LAPTM4B: variants seen among roughly 807,000 people sequenced by gnomAD.
LAPTM4B encodes the protein lysosomal protein transmembrane 4 beta.
LAPTM4B carries 26 observed loss-of-function variants against 28.5 expected under a neutral mutation model. The ratio of observed to expected loss-of-function variants is 0.91; its 90% CI spans 0.67 to 1.27. The LOEUF (loss-of-function observed/expected upper bound fraction) is 1.27. Ranked by LOEUF, LAPTM4B falls within the 50% of genes most tolerant of loss-of-function variation. The pLI is 0.00. For missense variants in LAPTM4B, 288 were observed against 285.8 expected, an observed-to-expected ratio of 1.01 and a Z score of -0.06; for synonymous variants, 109 against 106.4, an observed-to-expected ratio of 1.02 and a Z score of -0.15.
intron 2 of LAPTM4B, among the ~76,000 whole-genome samples, chr8:97,808,388 C>T (rs558830683): frequency 6.6e-6 from 1 of 151,790 alleles, no homozygotes; most frequent in South Asian, 2.1e-4. Flanking sequence ...GGGGAGTTTG[C>T]AGTGAGCCGA....
intron 1 of LAPTM4B, among the ~76,000 whole-genome samples, chr8:97,792,474 C>G (rs1816515470): frequency 6.6e-6 from 1 of 152,206 alleles, no homozygotes; most frequent in Non-Finnish European, 1.5e-5. Context: ...AGGCTGGTCT[C>G]AAACTCCTGA....
chr8:97,850,789 C>G (rs1393119111), intron 6 of LAPTM4B, among the ~76,000 whole-genome samples: 2 of 146,216 alleles, frequency 1.4e-5, no homozygotes. Flanking sequence ...ATACTAGATG[C>G]ATAATAAATG....
rs1472777684 is a variant in LAPTM4B, at chr8:97,794,775, G to A, written c.100-10578G>A. 3.9e-5 allele frequency among the ~76,000 whole-genome samples: 6 copies of A among 152,210 alleles called. No homozygotes were observed. The East Asian group carries it at 5.8e-4, about 15-fold the overall frequency. ...GTCACCCACGCTGGAGTGCAATGGCGTGATCTTGGCTCACTGCAACCTCCA... is the reference window on the plus strand; with the variant it reads ...GTCACCCACGCTGGAGTGCAATGGCATGATCTTGGCTCACTGCAACCTCCA... On this transcript the variant is annotated intron_variant, in intron 1 of 6. Coordinates refer to ENST00000521545, the MANE Select transcript of LAPTM4B (RefSeq NM_018407.6).
intron 4 of LAPTM4B, among the ~76,000 whole-genome samples, chr8:97,816,421 C>T (rs1294089008): frequency 6.6e-6 from 1 of 152,020 alleles, no homozygotes; most frequent in East Asian, 1.9e-4. Context: ...TCTCAGCCTC[C>T]CAGCTAGCTG....
intron 1 of LAPTM4B, among the ~76,000 whole-genome samples, chr8:97,781,998 G>C (rs1264090320): frequency 8.8e-6 from 1 of 113,608 alleles, no homozygotes; most frequent in African/African-American, 3.4e-5. Context: ...TTTTTTTTTT[G>C]AGACAGAGTT....
chr8:97,814,105 G>A lies in LAPTM4B; in HGVS notation c.212-1223G>A, dbSNP rs184501566. Among the ~76,000 whole-genome samples, 273 of 152,250 alleles carry A rather than the reference G, an allele frequency of 1.8e-3. 1 individual carries two copies. The highest frequency in any genetic ancestry group is 9.4e-4 in the Non-Finnish European group (64 of 68,034). ...GGTGACTTATGCCTATAATCCCATAGTGACAATGCCCAGGCAATTGAAGCT... is the reference window on the plus strand; with the variant it reads ...GGTGACTTATGCCTATAATCCCATAATGACAATGCCCAGGCAATTGAAGCT... On this transcript the variant is annotated intron_variant, in intron 2 of 6. Transcript: ENST00000521545.
intron 1 of LAPTM4B, among the ~76,000 whole-genome samples, chr8:97,788,844 G>A (rs6468588): frequency 0.02 from 3,000 of 151,516 alleles, 79 homozygotes; most frequent in African/African-American, 0.067. Context: ...ACGGGTGTCT[G>A]TCACCACGTC....
intron 1 of LAPTM4B, among the ~76,000 whole-genome samples, chr8:97,785,495 A>T (rs1237329074): frequency 6.6e-6 from 1 of 151,952 alleles, no homozygotes; most frequent in Non-Finnish European, 1.5e-5. Context: ...ACTTCGACCT[A>T]AAAGGAAGAA....
At chr8:97,840,350 C>T (rs1456522859) in intron 6 of LAPTM4B, among the ~76,000 whole-genome samples, 1 of 152,122 alleles carries the variant, frequency 6.6e-6, no homozygotes, top group African/African-American at 2.4e-5. Flanking sequence ...TCAGATAGCT[C>T]CTTTGCTGAG....
intron 1 of LAPTM4B, among the ~76,000 whole-genome samples, chr8:97,804,425 A>G (rs1816729868): frequency 6.6e-6 from 1 of 152,198 alleles, no homozygotes; most frequent in Admixed American, 6.5e-5. Flanking sequence ...AGTTTCGTAT[A>G]TGGACAGGAG....
At chr8:97,842,440 G>A (rs1817364196) in intron 6 of LAPTM4B, among the ~76,000 whole-genome samples, 1 of 152,134 alleles carries the variant, frequency 6.6e-6, no homozygotes, top group African/African-American at 2.4e-5. Context: ...CTTTTGGCTT[G>A]GATAGATCTG....
chr8:97,779,566 C>G (rs1816277571), intron 1 of LAPTM4B, among the ~76,000 whole-genome samples: 1 of 151,216 alleles, frequency 6.6e-6, no homozygotes, highest in Non-Finnish European at 1.5e-5. Flanking sequence ...AGGCGGATCA[C>G]TTGAGGTCAG....
chr8:97,845,347 T>G (rs937935044), intron 6 of LAPTM4B, among the ~76,000 whole-genome samples: 1 of 87,522 alleles, frequency 1.1e-5, no homozygotes, highest in Non-Finnish European at 2.3e-5. Flanking sequence ...TCCTAAGTTG[T>G]TTTTTTTTTT....
At chr8:97,828,513 A>G (rs1038389409) in intron 6 of LAPTM4B, among the ~76,000 whole-genome samples, 3 of 152,238 alleles carry the variant, frequency 2.0e-5, no homozygotes, top group Non-Finnish European at 4.4e-5. Context: ...AGAATGGCCA[A>G]GTAGGTCCAG....
chr8:97,794,520 A>G (rs1326827502), intron 1 of LAPTM4B, among the ~76,000 whole-genome samples: 1 of 152,176 alleles, frequency 6.6e-6, no homozygotes, highest in Non-Finnish European at 1.5e-5. Context: ...GGATTTTACA[A>G]TAAATCTAAT....
chr8:97,851,267 T>G, intron 6 of LAPTM4B, 130 bp from the exon 7 acceptor site: 1 of 751,444 alleles, frequency 1.3e-6, no homozygotes, highest in South Asian at 1.6e-5. Context: ...GTGTATCCAC[T>G]TGCTAGAAAA....
chr8:97,809,884 A>G (rs1284187847), intron 2 of LAPTM4B, among the ~76,000 whole-genome samples: 3 of 152,140 alleles, frequency 2.0e-5, no homozygotes, highest in Non-Finnish European at 4.4e-5. Flanking sequence ...TGAGGCATAT[A>G]GGAGAATCTA....
At chr8:97,808,381 G>A (rs538835708) in intron 2 of LAPTM4B, among the ~76,000 whole-genome samples, 6 of 151,886 alleles carry the variant, frequency 4.0e-5, no homozygotes, top group South Asian at 2.1e-4. Flanking sequence ...TGGGAGGGGG[G>A]AGTTTGCAGT....
chr8:97,836,620 C>G (rs1817263126), intron 6 of LAPTM4B, among the ~76,000 whole-genome samples: 1 of 151,838 alleles, frequency 6.6e-6, no homozygotes, highest in African/African-American at 2.4e-5. Context: ...AGTTGTGGCA[C>G]TCAAAAAGCA....
Sources: allele counts gnomAD v4.1 joint callset (sites outside exome capture counted in the v4.1 genomes callset), GRCh38; gene constraint gnomAD v4.1.1; transcripts MANE v1.5; gene names NCBI Gene and HGNC (gene_info 2026-07-23, HGNC 2026-07-21).